Variants in CNTN5 observed in about 807,000 individuals in gnomAD.
The protein encoded by CNTN5 is contactin 5.
Under a neutral mutation model 129.1 loss-of-function variants are expected in CNTN5, and 77 were observed. The ratio of observed to expected loss-of-function variants is 0.60; its 90% CI spans 0.50 to 0.72. The LOEUF (loss-of-function observed/expected upper bound fraction) is 0.72. Among genes scored for constraint, CNTN5 ranks in the 30% least tolerant of loss-of-function variants. The pLI, the probability that CNTN5 is intolerant of heterozygous loss-of-function variation, is 0.00. For missense variants in CNTN5, 1,478 were observed against 1,328.8 expected (o/e 1.11, Z -1.75); for synonymous variants, 509 against 465.6 (o/e 1.09, Z -1.20).
chr11:99,901,909 T>A (rs1949367918), intron 6 of CNTN5, among the ~76,000 whole-genome samples: 1 of 152,210 alleles, frequency 6.6e-6, no homozygotes, highest in Admixed American at 6.5e-5. Flanking sequence ...TTGGATAAAA[T>A]GCAAGCGTTA....
rs551638274 is a variant in CNTN5, at chr11:100,074,492, C to T, written c.1580+198C>T. 10 of 491,874 alleles carry T rather than the reference C, an allele frequency of 2.0e-5. No individual in the cohort carries two copies. In the East Asian group the frequency reaches 3.5e-4, roughly 17 times the overall value. 30.5% of individuals were successfully genotyped at this position (491,874 alleles called of 1,614,324 possible). On this transcript the variant is annotated intron_variant, in intron 13 of 24. Transcript: ENST00000524871. Reference sequence around the variant, plus strand: ...CAAAATGGTCAGTCTTCTTTGACTCCATGGGGTTTTAGCATAAGTTGGATA... The same window carrying T: ...CAAAATGGTCAGTCTTCTTTGACTCTATGGGGTTTTAGCATAAGTTGGATA...
intron 2 of CNTN5, among the ~76,000 whole-genome samples, chr11:99,508,157 C>A (rs1400272253): frequency 1.3e-5 from 2 of 152,088 alleles, no homozygotes; most frequent in Admixed American, 6.5e-5. Flanking sequence ...AGAACGTAGG[C>A]TTGGGAGCCA....
intron 1 of CNTN5, among the ~76,000 whole-genome samples, chr11:99,046,811 A>C (rs1211135610): frequency 1.3e-5 from 2 of 152,146 alleles, no homozygotes; most frequent in East Asian, 1.9e-4. Flanking sequence ...CTTACTAATA[A>C]TGCAATAAAT....
chr11:99,051,538 T>G (rs1170364939), intron 1 of CNTN5, among the ~76,000 whole-genome samples: 1 of 151,980 alleles, frequency 6.6e-6, no homozygotes, highest in Admixed American at 6.6e-5. Flanking sequence ...AAGCTTGGTT[T>G]ATTTTTGTAA....
At chr11:99,132,245 A>G (rs1858979002) in intron 1 of CNTN5, among the ~76,000 whole-genome samples, 1 of 151,990 alleles carries the variant, frequency 6.6e-6, no homozygotes, top group Non-Finnish European at 1.5e-5. Context: ...TAGGTATTGA[A>G]AGAACATACC....
intron 9 of CNTN5, among the ~76,000 whole-genome samples, chr11:100,020,421 TCAAATAA>T (rs1350976180): frequency 6.6e-6 from 1 of 152,092 alleles, no homozygotes; most frequent in Non-Finnish European, 1.5e-5. Context: ...AGCACCTTTG[TCAAATAA>T]CAGTTAACTG....
chr11:99,033,199 T>C (rs1176121024), intron 1 of CNTN5, among the ~76,000 whole-genome samples: 2 of 151,230 alleles, frequency 1.3e-5, no homozygotes, highest in East Asian at 3.9e-4. Context: ...AGTCAGGTAG[T>C]GTGATGCCTC....
intron 8 of CNTN5, among the ~76,000 whole-genome samples, chr11:99,963,441 C>A (rs1447366243): frequency 6.6e-6 from 1 of 151,964 alleles, no homozygotes; most frequent in African/African-American, 2.4e-5. Flanking sequence ...CTTTTTTTGT[C>A]AGGTTTGTCA....
At chr11:99,473,631 AT>A (rs201828476) in intron 2 of CNTN5, among the ~76,000 whole-genome samples, 6 of 151,398 alleles carry the variant, frequency 4.0e-5, no homozygotes, top group African/African-American at 1.2e-4. Context: ...AACACTTTAA[AT>A]TTTTTTTTAA....
Position 100,232,733 on chromosome 11 carries a change from T to C in CNTN5, c.2005+7921T>C, listed in dbSNP as rs75581441. On this transcript the variant is annotated intron_variant, in intron 16 of 24. Coordinates refer to ENST00000524871, the MANE Select transcript of CNTN5 (RefSeq NM_014361.4). ...CATCGAGCTATGATCTAGCTAAACA[T>C]GAACAACTTTATTTTAGGGAAAAAC... Among the ~76,000 whole-genome samples the C allele has an allele frequency of 3.7e-3, 566 of 152,294 alleles. 8 individuals carry two copies. The East Asian group carries it at 0.046, about 12-fold the overall frequency.
chr11:99,892,529 T>C (rs1949090449), intron 6 of CNTN5, among the ~76,000 whole-genome samples: 1 of 152,206 alleles, frequency 6.6e-6, no homozygotes, highest in Non-Finnish European at 1.5e-5. Context: ...GGGTCCAGTT[T>C]CAGTTTTCTG....
intron 3 of CNTN5, among the ~76,000 whole-genome samples, chr11:99,668,861 A>G (rs1952911509): frequency 6.6e-6 from 1 of 152,082 alleles, no homozygotes; most frequent in Non-Finnish European, 1.5e-5. Flanking sequence ...TTATCTTATG[A>G]GTTGGCATTG....
intron 1 of CNTN5, among the ~76,000 whole-genome samples, chr11:99,135,000 A>C (rs914187919): frequency 2.0e-5 from 3 of 152,202 alleles, no homozygotes; most frequent in Non-Finnish European, 2.9e-5. Flanking sequence ...ATGTCTTCTA[A>C]AATTTCTATG....
chr11:99,722,594 A>G (rs369856717), intron 3 of CNTN5, among the ~76,000 whole-genome samples: 1 of 152,090 alleles, frequency 6.6e-6, no homozygotes, highest in East Asian at 1.9e-4. Context: ...GTTTTCCTAT[A>G]TAACCTTCAC....
intron 2 of CNTN5, among the ~76,000 whole-genome samples, chr11:99,355,939 G>A (rs1938630138): frequency 6.7e-6 from 1 of 149,972 alleles, no homozygotes; most frequent in Admixed American, 6.7e-5. Context: ...CCATTCTTCT[G>A]CCTCAGCCTC....
intron 1 of CNTN5, among the ~76,000 whole-genome samples, chr11:99,310,934 T>G (rs1380669626): frequency 4.4e-5 from 2 of 45,848 alleles, no homozygotes; most frequent in Non-Finnish European, 8.8e-5. Context: ...GTTGATTATT[T>G]ATTATTTTTT....
intron 16 of CNTN5, among the ~76,000 whole-genome samples, chr11:100,246,108 C>T (rs1193084709): frequency 3.3e-5 from 5 of 151,936 alleles, no homozygotes; most frequent in Admixed American, 2.0e-4. Flanking sequence ...GTGATACATG[C>T]GTTCTTGTTT....
chr11:99,327,593 A>C (rs889664881), intron 2 of CNTN5, among the ~76,000 whole-genome samples: 10 of 152,298 alleles, frequency 6.6e-5, no homozygotes, highest in Admixed American at 2.6e-4. Context: ...AATAGGAAGC[A>C]ATTGAAGCAA....
At chr11:99,492,694 A>G (rs1280257104) in intron 2 of CNTN5, among the ~76,000 whole-genome samples, 1 of 152,194 alleles carries the variant, frequency 6.6e-6, no homozygotes, top group African/African-American at 2.4e-5. Context: ...GAAAAACATA[A>G]CAAATTCATT....
Sources: gnomAD v4.1 joint callset for allele counts (sites outside exome capture counted in the v4.1 genomes callset) on GRCh38, gnomAD v4.1.1 for gene constraint, MANE v1.5 for transcripts, NCBI Gene and HGNC (gene_info 2026-07-23, HGNC 2026-07-21) for gene names.